Variants in EGLN3 observed in about 807,000 individuals in gnomAD.
The protein encoded by EGLN3 is egl-9 family hypoxia inducible factor 3.
Under a neutral mutation model 26.0 loss-of-function variants are expected in EGLN3, and 15 were observed. That is an observed-to-expected ratio of 0.58 (90% CI 0.39 to 0.89). The LOEUF (loss-of-function observed/expected upper bound fraction) is 0.89. Among genes scored for constraint, EGLN3 ranks in the 40% least tolerant of loss-of-function variants. The probability of loss-of-function intolerance (pLI) is 0.00; values close to 1 mark genes in which losing one functional copy is unlikely to be tolerated. For missense variants in EGLN3, 238 were observed against 311.6 expected, an observed-to-expected ratio of 0.76 and a Z score of 1.78; for synonymous variants, 147 against 127.2, an observed-to-expected ratio of 1.16 and a Z score of -1.05.
In EGLN3 at chr14:33,950,581, C is replaced by A; in HGVS notation, c.172G>T (p.Asp58Tyr). ...KQLHCTGALRDGQLAGPRAGV... is the reference protein window; with the variant it reads ...KQLHCTGALRYGQLAGPRAGV... ...GCGCGCGGCCCCGCCAGCTGGCCGT[C>A]CCGCAGGGCCCCGGTGCAGTGCAGC... Residue 58 changes from aspartate (D) to tyrosine (Y), a missense_variant, in exon 1 of 5, where the codon GAC becomes TAC. Asp to Tyr is a radical substitution (Grantham distance 160). Coordinates refer to ENST00000250457, the MANE Select transcript of EGLN3 (RefSeq NM_022073.4). 1 of 1,612,224 alleles carries A rather than the reference C, an allele frequency of 6.2e-7. No individual in the cohort carries two copies. The highest frequency in any genetic ancestry group is 1.1e-5 in the South Asian group (1 of 91,022).
intron 1 of EGLN3, chr14:33,931,461 T>C (rs1182380489): frequency 2.1e-6 from 1 of 468,832 alleles, no homozygotes; most frequent in Non-Finnish European, 3.7e-6. Context: ...TAGAACATTT[T>C]ACACAGTCTT....
rs887281790 is a variant in EGLN3 at position 33,924,584 on chromosome 14, C to T, written c.*1307G>A. ...ATAACAAAGGAAAATATTTCTGGCT[C>T]TTTAATGTTCATGGGATTTTCAAGC... On this transcript the variant is annotated 3_prime_UTR_variant, in exon 5 of 5. Coordinates refer to ENST00000250457, the MANE Select transcript of EGLN3 (RefSeq NM_022073.4). 1 of 152,042 alleles carries T rather than the reference C, an allele frequency of 6.6e-6. No homozygotes were observed. Among genetic ancestry groups the T allele is most frequent in the African/African-American group, 2.4e-5 (1 of 41,396 alleles). 9.4% of individuals were successfully genotyped at this position (152,042 alleles called of 1,614,324 possible).
At chr14:33,932,255 G>A (rs1451678704) in intron 1 of EGLN3, among the ~76,000 whole-genome samples, 1 of 152,164 alleles carries the variant, frequency 6.6e-6, no homozygotes, top group African/African-American at 2.4e-5. Flanking sequence ...CATCTAAAAT[G>A]TGATAAATAA....
Position 33,925,684 on chromosome 14 carries a change from C to T in EGLN3, c.*207G>A, listed in dbSNP as rs1285625341. On this transcript the variant is annotated 3_prime_UTR_variant, in exon 5 of 5. Coordinates refer to ENST00000250457, the MANE Select transcript of EGLN3 (RefSeq NM_022073.4). ...AGGAATTTCTGGAGTTAGCAAGTAA[C>T]TTCATCTGGCAAAGAGAGTATCTGA... 6 of 601,904 alleles carry T rather than the reference C, an allele frequency of 1.0e-5. No individual in the cohort carries two copies. The highest frequency in any genetic ancestry group is 1.7e-5 in the Non-Finnish European group (6 of 346,880). 37.3% of individuals were successfully genotyped at this position (601,904 alleles called of 1,614,324 possible).
Position 33,950,433 on chromosome 14 carries a change from C to T in EGLN3, c.320G>A (p.Ser107Asn), listed in dbSNP as rs1566602888. ...LIDRLVLYCG[S>N]RLGKYYVKER... is the part of the protein sequence containing the mutation. ...CTTGACGTAGTATTTGCCCAGCCGGCTCCCGCAGTAGAGGACCAGCCTGTC... is the reference window on the plus strand; with the variant it reads ...CTTGACGTAGTATTTGCCCAGCCGGTTCCCGCAGTAGAGGACCAGCCTGTC... Residue 107 changes from serine to asparagine, a missense_variant, in exon 1 of 5, where the codon AGC (serine) becomes AAC (asparagine). Coordinates refer to ENST00000250457, the MANE Select transcript of EGLN3 (RefSeq NM_022073.4). 2.5e-6 allele frequency: 4 copies of T among 1,613,330 alleles called. No homozygotes were observed. The highest frequency in any genetic ancestry group is 3.4e-6 in the Non-Finnish European group (4 of 1,180,032).
rs73246223 is a variant in EGLN3 at position 33,929,253 on chromosome 14, T to C, written c.478-41A>G. Reference sequence around the variant, plus strand: ...AAGGGGGATTATTTCTTACCTCTCATGTAGTTTATCAACAACCATATTTCA... The same window carrying C: ...AAGGGGGATTATTTCTTACCTCTCACGTAGTTTATCAACAACCATATTTCA... On this transcript the variant is annotated intron_variant, in intron 2 of 4. Coordinates refer to ENST00000250457, the MANE Select transcript of EGLN3 (RefSeq NM_022073.4). 1.9e-3 allele frequency: 2,977 copies of C among 1,608,098 alleles called. 56 individuals are homozygous for C. The African/African-American group carries it at 0.036, about 19-fold the overall frequency.
intron 1 of EGLN3, among the ~76,000 whole-genome samples, chr14:33,942,147 A>T (rs968545140): frequency 1.3e-5 from 2 of 152,206 alleles, no homozygotes; most frequent in African/African-American, 4.8e-5. Flanking sequence ...AAAAGTACAT[A>T]AAATGGATTA....
intron 1 of EGLN3, among the ~76,000 whole-genome samples, chr14:33,933,654 T>C (rs561868255): frequency 4.6e-5 from 7 of 152,204 alleles, no homozygotes; most frequent in Non-Finnish European, 8.8e-5. Flanking sequence ...GATGGGTCTT[T>C]GCTTGGGCAC....
At chr14:33,941,390 C>G (rs186333255) in intron 1 of EGLN3, among the ~76,000 whole-genome samples, 50 of 151,742 alleles carry the variant, frequency 3.3e-4, no homozygotes, top group Non-Finnish European at 6.5e-4. Flanking sequence ...TAGGGTGAAA[C>G]CTAGGATTTC....
intron 1 of EGLN3, among the ~76,000 whole-genome samples, chr14:33,932,830 T>C (rs1470083725): frequency 6.6e-6 from 1 of 152,064 alleles, no homozygotes; most frequent in Non-Finnish European, 1.5e-5. Context: ...GGGTGATTGG[T>C]AGCAAACAGA....
chr14:33,949,226 C>G (rs2064538996), intron 1 of EGLN3: 1 of 152,358 alleles, frequency 6.6e-6, no homozygotes, highest in Non-Finnish European at 1.5e-5. Flanking sequence ...TTCACTCCCA[C>G]ACGTTTCCAA....
intron 1 of EGLN3, among the ~76,000 whole-genome samples, chr14:33,944,731 A>G (rs1030202019): frequency 6.6e-6 from 1 of 152,162 alleles, no homozygotes; most frequent in South Asian, 2.1e-4. Context: ...TGCACACTAC[A>G]CTCAACTCTC....
At chr14:33,935,354 T>C (rs2064433483) in intron 1 of EGLN3, among the ~76,000 whole-genome samples, 1 of 152,184 alleles carries the variant, frequency 6.6e-6, no homozygotes, top group South Asian at 2.1e-4. Context: ...AACCCAGGAC[T>C]GGCAAACTAA....
chr14:33,943,818 G>A (rs575226886), intron 1 of EGLN3, among the ~76,000 whole-genome samples: 1 of 152,206 alleles, frequency 6.6e-6, no homozygotes, highest in Non-Finnish European at 1.5e-5. Context: ...TCATAAAATG[G>A]AGGGCTGTTT....
chr14:33,950,841 G>C lies in EGLN3; in HGVS notation c.-89C>G. On this transcript the variant is annotated 5_prime_UTR_variant, in exon 1 of 5. Coordinates refer to ENST00000250457, the MANE Select transcript of EGLN3 (RefSeq NM_022073.4). The stretch of plus-strand genomic sequence containing the variant: ...AGCGCGAAGCCGAGGCGCGGGGAGC[G>C]TGGCCCGGGGTTCAGAAACCTGCGG... 8.1e-7 allele frequency: 1 copy of C among 1,231,800 alleles called. No individual in the cohort carries two copies. The highest frequency in any genetic ancestry group is 1.1e-6 in the Non-Finnish European group (1 of 874,676). The allele number at this position is 1,231,800 out of a possible 1,614,324, so 76.3% of individuals were successfully genotyped here. A position where few individuals can be genotyped will look rare whatever the true frequency, so the allele number is the denominator to read the frequency against.
intron 2 of EGLN3, 30 bp downstream of exon 2, chr14:33,931,066 C>T: frequency 6.2e-7 from 1 of 1,613,204 alleles, no homozygotes; most frequent in South Asian, 1.1e-5. Flanking sequence ...GTTTCTAACC[C>T]CACACTCTAC....
chr14:33,928,567 T>C (rs539532164), intron 3 of EGLN3, among the ~76,000 whole-genome samples: 20 of 152,304 alleles, frequency 1.3e-4, no homozygotes, highest in African/African-American at 4.6e-4. Context: ...TGTTGGACCA[T>C]GGATACAGCA....
chr14:33,927,630 G>A (rs1186607447), intron 3 of EGLN3, among the ~76,000 whole-genome samples: 2 of 152,148 alleles, frequency 1.3e-5, no homozygotes, highest in Non-Finnish European at 2.9e-5. Context: ...AAGTAGGGGA[G>A]ACAGGTGATT....
intron 4 of EGLN3, 22 bp from the exon 5 acceptor site, chr14:33,925,944 G>C: frequency 6.6e-7 from 1 of 1,518,132 alleles, no homozygotes. Flanking sequence ...ACAGAAAGGA[G>C]AATAAAGAGG....
Sources: allele counts gnomAD v4.1 joint callset (sites outside exome capture counted in the v4.1 genomes callset), GRCh38; gene constraint gnomAD v4.1.1; transcripts MANE v1.5; gene names NCBI Gene and HGNC (gene_info 2026-07-23, HGNC 2026-07-21).